XRRA1: variants seen among roughly 807,000 people sequenced by gnomAD.
XRRA1 encodes X-ray radiation resistance associated 1.
Under a neutral mutation model 80.2 loss-of-function variants are expected in XRRA1, and 69 were observed. The ratio of observed to expected loss-of-function variants is 0.86; its 90% CI spans 0.71 to 1.05. XRRA1 has a LOEUF of 1.05. XRRA1 is among the 50% of genes least tolerant of loss of function. The pLI is 0.00. For synonymous variants in XRRA1, 348 were observed against 389.9 expected, an observed-to-expected ratio of 0.89 and a Z score of 1.27; for missense variants, 967 against 976.4, an observed-to-expected ratio of 0.99 and a Z score of 0.13.
intron 11 of XRRA1, among the ~76,000 whole-genome samples, chr11:74,861,996 A>G (rs547294530): frequency 6.6e-6 from 1 of 152,386 alleles, no homozygotes; most frequent in South Asian, 2.1e-4. Flanking sequence ...AGAATAGTAC[A>G]GCAGTATAAT....
intron 11 of XRRA1, among the ~76,000 whole-genome samples, chr11:74,861,723 G>A (rs2042350564): frequency 6.6e-6 from 1 of 152,202 alleles, no homozygotes; most frequent in Non-Finnish European, 1.5e-5. Flanking sequence ...GAGCCGAAAA[G>A]GTTGGGGACT....
At chr11:74,907,386 G>A (rs2054859077) in intron 8 of XRRA1, 113 bp from the exon 9 acceptor site, 9 of 1,410,468 alleles carry the variant, frequency 6.4e-6, no homozygotes, top group South Asian at 4.1e-5. Context: ...GCTTAGGAAC[G>A]GTTCTAGTGC....
At chr11:74,901,382 T>G (rs2053550947) in intron 10 of XRRA1, among the ~76,000 whole-genome samples, 1 of 152,100 alleles carries the variant, frequency 6.6e-6, no homozygotes. Flanking sequence ...ATTCTAGAGA[T>G]TCAATACAAT....
chr11:74,902,947 C>T (rs1371506566), intron 10 of XRRA1, among the ~76,000 whole-genome samples: 1 of 152,114 alleles, frequency 6.6e-6, no homozygotes, highest in Non-Finnish European at 1.5e-5. Flanking sequence ...ACCAAAATAT[C>T]TCATGTGCCC....
chr11:74,912,514 T>G (rs575645122), intron 8 of XRRA1, among the ~76,000 whole-genome samples: 1 of 152,162 alleles, frequency 6.6e-6, no homozygotes, highest in Non-Finnish European at 1.5e-5. Flanking sequence ...TGACTACTCA[T>G]GCTCTAAGTT....
intron 12 of XRRA1, among the ~76,000 whole-genome samples, chr11:74,853,136 T>C (rs1019007692): frequency 5.9e-5 from 9 of 152,108 alleles, no homozygotes; most frequent in Admixed American, 2.0e-4. Context: ...GAAACAAGCA[T>C]TGGAGAAACA....
intron 10 of XRRA1, among the ~76,000 whole-genome samples, chr11:74,880,980 G>A (rs1275856009): frequency 1.0e-4 from 15 of 146,658 alleles, no homozygotes; most frequent in East Asian, 2.0e-4. Flanking sequence ...TATTAGGTCC[G>A]CTTGGTGCAG....
chr11:74,865,156 G>T (rs143946484), intron 10 of XRRA1, among the ~76,000 whole-genome samples: 1 of 151,914 alleles, frequency 6.6e-6, no homozygotes, highest in Admixed American at 6.6e-5. Flanking sequence ...GCGGGGCCCA[G>T]TGTCAGCCCT....
intron 10 of XRRA1, among the ~76,000 whole-genome samples, chr11:74,889,586 C>T (rs1311211808): frequency 6.6e-6 from 1 of 152,126 alleles, no homozygotes; most frequent in Non-Finnish European, 1.5e-5. Context: ...GCTAAATGCT[C>T]CAATTAAAAG....
chr11:74,881,217 T>C (rs1277171469), intron 10 of XRRA1, among the ~76,000 whole-genome samples: 1 of 151,840 alleles, frequency 6.6e-6, no homozygotes, highest in African/African-American at 2.4e-5. Context: ...CATTATTTAA[T>C]GGCCTTCTTT....
chr11:74,843,274 G>T lies in XRRA1; in HGVS notation c.2329C>A (p.Pro777Thr). The T allele has an allele frequency of 6.3e-7, 1 of 1,583,608 alleles. No individual in the cohort carries two copies. The highest frequency in any genetic ancestry group is 8.6e-7 in the Non-Finnish European group (1 of 1,165,224). The change falls in exon 19 of 19, where the codon CCC (proline) becomes ACC (threonine). Residue 777 changes from proline to threonine, a missense_variant. Physicochemically the swap from Pro to Thr is conservative, Grantham distance 38. Coordinates refer to ENST00000684022, the MANE Select transcript of XRRA1 (RefSeq NM_001378157.1). ...AACTCGAGGAAGTGGCCGAACTTGG[G>T]CTGGCTCTCACTCAGCGCTGGGCAG... ...MACPALSESQ[P>T]KFGHFLEFMD...
At chr11:74,847,073 A>G (rs1353365141) in intron 15 of XRRA1, among the ~76,000 whole-genome samples, 3 of 151,916 alleles carry the variant, frequency 2.0e-5, no homozygotes, top group African/African-American at 4.8e-5. Flanking sequence ...CCCTTGTACT[A>G]TTTCCTTTCC....
At chr11:74,894,113 AAC>A (rs2051576815) in intron 10 of XRRA1, among the ~76,000 whole-genome samples, 2 of 152,238 alleles carry the variant, frequency 1.3e-5, no homozygotes, top group Admixed American at 1.3e-4. Flanking sequence ...CCTTTGCAGA[AAC>A]ACAGATGAGC....
chr11:74,861,381 C>T (rs770301594), intron 11 of XRRA1, among the ~76,000 whole-genome samples: 25 of 152,198 alleles, frequency 1.6e-4, no homozygotes, highest in Non-Finnish European at 3.5e-4. Context: ...GTCGGATCAG[C>T]AGTGGCATTA....
chr11:74,901,154 A>G (rs1431636185), intron 10 of XRRA1, among the ~76,000 whole-genome samples: 4 of 152,220 alleles, frequency 2.6e-5, no homozygotes, highest in Non-Finnish European at 5.9e-5. Context: ...CTATATGCCA[A>G]CAGTGAACAA....
chr11:74,871,863 G>A (rs868316702), intron 10 of XRRA1, among the ~76,000 whole-genome samples: 2 of 152,238 alleles, frequency 1.3e-5, no homozygotes, highest in Middle Eastern at 3.2e-3. Context: ...TAACTCAGGT[G>A]TTTGACCTCT....
intron 2 of XRRA1, among the ~76,000 whole-genome samples, chr11:74,942,339 A>G (rs1946492592): frequency 6.6e-6 from 1 of 152,188 alleles, no homozygotes; most frequent in African/African-American, 2.4e-5. Flanking sequence ...TTTATGTATG[A>G]AAGAGTGAAT....
At chr11:74,938,299 T>C (rs1945513381) in intron 3 of XRRA1, among the ~76,000 whole-genome samples, 3 of 152,184 alleles carry the variant, frequency 2.0e-5, no homozygotes, top group Admixed American at 2.0e-4. Context: ...GATACTCCAG[T>C]TACCCCATTT....
intron 12 of XRRA1, among the ~76,000 whole-genome samples, chr11:74,852,789 A>G (rs1247732599): frequency 6.6e-6 from 1 of 152,206 alleles, no homozygotes; most frequent in Admixed American, 6.5e-5. Context: ...CATCTTGGCG[A>G]GAGTATTTAT....
Sources: gnomAD v4.1 joint callset for allele counts (sites outside exome capture counted in the v4.1 genomes callset) on GRCh38, gnomAD v4.1.1 for gene constraint, MANE v1.5 for transcripts, NCBI Gene and HGNC (gene_info 2026-07-23, HGNC 2026-07-21) for gene names.